PCSK5: variants seen among roughly 807,000 people sequenced by gnomAD.
PCSK5 encodes the protein prohormone convertase 5.
Under a neutral mutation model 233.2 loss-of-function variants are expected in PCSK5, and 129 were observed. That is an observed-to-expected ratio of 0.55 (90% CI 0.48 to 0.64). The LOEUF (loss-of-function observed/expected upper bound fraction) is 0.64, where lower values mean the gene tolerates loss of function less well. PCSK5 is among the 30% of genes least tolerant of loss of function. The probability of loss-of-function intolerance (pLI) is 0.00; values close to 1 mark genes in which losing one functional copy is unlikely to be tolerated. For synonymous variants in PCSK5, 825 were observed against 879.2 expected (o/e 0.94, Z 1.09); for missense variants, 2,076 against 2,430.1 (o/e 0.85, Z 3.06).
chr9:76,346,469 T>C (rs1434137964), intron 35 of PCSK5, among the ~76,000 whole-genome samples: 1 of 152,212 alleles, frequency 6.6e-6, no homozygotes, highest in Non-Finnish European at 1.5e-5. Flanking sequence ...CCTGAGTGTT[T>C]GTACTTCTTC....
intron 17 of PCSK5, among the ~76,000 whole-genome samples, chr9:76,187,999 T>A (rs2131235680): frequency 6.6e-6 from 1 of 152,286 alleles, no homozygotes; most frequent in South Asian, 2.1e-4. Context: ...GCAAAAGTAT[T>A]TTAAATCTTG....
At chr9:76,142,931 T>A (rs1360503407) in intron 10 of PCSK5, among the ~76,000 whole-genome samples, 1 of 152,196 alleles carries the variant, frequency 6.6e-6, no homozygotes, top group African/African-American at 2.4e-5. Flanking sequence ...AACCTCCTTA[T>A]TTTCTCTTTT....
rs1286020691 is a variant in PCSK5 at position 76,282,145 on chromosome 9, T to TTTTTTTTTTTTTTTTTTTC, written c.3143-10086_3143-10085insTTTTTTTTTTTTTTTTCTT. ...CTTTTTTTTTTTTTTTTTTTTTTTT[T>TTTTTTTTTTTTTTTTTTTC]TTCGCTCTGTTGCCCAGGCTGGAGC... is the stretch of plus-strand genomic sequence containing the variant. On this transcript the variant is annotated intron_variant, in intron 24 of 37. Transcript: ENST00000674117. 4.3e-4 allele frequency among the ~76,000 whole-genome samples: 43 copies of TTTTTTTTTTTTTTTTTTTC among 98,990 alleles called. 10 individuals are homozygous for TTTTTTTTTTTTTTTTTTTC. The highest frequency in any genetic ancestry group is 1.2e-3 in the East Asian group (3 of 2,480). 64.9% of individuals were successfully genotyped at this position (98,990 alleles called of 152,430 possible). A position where few individuals can be genotyped will look rare whatever the true frequency, so the allele number is the denominator to read the frequency against.
Position 76,181,575 on chromosome 9 carries a change from G to C in PCSK5, c.2181G>C (p.Gly727=). 6.2e-7 allele frequency: 1 copy of C among 1,611,746 alleles called. No individual in the cohort carries two copies. The highest frequency in any genetic ancestry group is 8.5e-7 in the Non-Finnish European group (1 of 1,178,420). ...GCTGTGTTACTCACTGCCCTGATGG[G>C]TCATATCAGGATACCAGTAAGCTCA... ...TNSCVTHCPD[G]SYQDTKKNLC... is the part of the protein sequence containing the mutation. The change falls in exon 16 of 38, where the codon GGG becomes GGC. Residue 727 remains glycine, a synonymous_variant. Coordinates refer to ENST00000674117, the MANE Select transcript of PCSK5 (RefSeq NM_001372043.1).
chr9:76,001,838 C>T (rs1268159178), intron 3 of PCSK5, among the ~76,000 whole-genome samples: 5 of 152,042 alleles, frequency 3.3e-5, no homozygotes, highest in African/African-American at 1.2e-4. Flanking sequence ...TAAAGAGATC[C>T]ATAATAATCA....
At chr9:76,008,166 T>G (rs1827564577) in intron 3 of PCSK5, among the ~76,000 whole-genome samples, 1 of 152,178 alleles carries the variant, frequency 6.6e-6, no homozygotes, top group African/African-American at 2.4e-5. Context: ...ACTTTTCTGC[T>G]GTCTCTATCT....
intron 1 of PCSK5, among the ~76,000 whole-genome samples, chr9:75,925,170 T>C (rs1460098168): frequency 6.6e-6 from 1 of 152,208 alleles, no homozygotes; most frequent in Non-Finnish European, 1.5e-5. Context: ...CTGAGAAATA[T>C]AGACAGACTT....
chr9:75,999,884 A>G (rs1587479930), intron 3 of PCSK5, among the ~76,000 whole-genome samples: 1 of 152,350 alleles, frequency 6.6e-6, no homozygotes, highest in African/African-American at 2.4e-5. Context: ...TCATGGCTAA[A>G]ACACCAAAAG....
intron 20 of PCSK5, among the ~76,000 whole-genome samples, chr9:76,213,337 G>A (rs957613757): frequency 1.3e-5 from 2 of 152,054 alleles, no homozygotes; most frequent in African/African-American, 4.8e-5. Flanking sequence ...CTTCCTTTTC[G>A]GTATTCATTC....
At position 75,932,501 on chromosome 9, in the gene PCSK5, C is replaced by A; in HGVS notation, c.297+18C>A. The A allele has an allele frequency of 2.8e-6, 4 of 1,434,936 alleles. No homozygotes were observed. The highest frequency in any genetic ancestry group is 3.9e-6 in the Non-Finnish European group (4 of 1,016,652). 88.9% of individuals were successfully genotyped at this position (1,434,936 alleles called of 1,614,324 possible). On this transcript the variant is annotated intron_variant, in intron 2 of 37. Coordinates refer to ENST00000674117, the MANE Select transcript of PCSK5 (RefSeq NM_001372043.1). ...AACCAAAGGTAAGAAGAACCAGTTG[C>A]GTGGGGACCAAGAGGCAAAGCTTCT...
chr9:76,085,311 C>A (rs1831020587), intron 7 of PCSK5, among the ~76,000 whole-genome samples: 1 of 152,204 alleles, frequency 6.6e-6, no homozygotes, highest in Non-Finnish European at 1.5e-5. Flanking sequence ...TCCTGTTCAT[C>A]CTTGGATGAG....
intron 24 of PCSK5, among the ~76,000 whole-genome samples, chr9:76,247,791 CT>C (rs35561448): frequency 1.8e-4 from 27 of 148,416 alleles, no homozygotes; most frequent in Admixed American, 2.7e-4. Context: ...ATTTTTTAAT[CT>C]TTTTTTTTTT....
chr9:75,976,702 T>G (rs1003032513), intron 2 of PCSK5, among the ~76,000 whole-genome samples: 1 of 151,810 alleles, frequency 6.6e-6, no homozygotes, highest in Admixed American at 6.6e-5. Flanking sequence ...GTTTAAAATA[T>G]TAAATACTTT....
chr9:76,103,456 G>T (rs1831845958), intron 8 of PCSK5, among the ~76,000 whole-genome samples: 1 of 152,072 alleles, frequency 6.6e-6, no homozygotes, highest in Admixed American at 6.5e-5. Context: ...TGTCACTTAT[G>T]GCCAAAGTCA....
chr9:76,056,795 G>C (rs1316836165), intron 5 of PCSK5, among the ~76,000 whole-genome samples: 1 of 152,110 alleles, frequency 6.6e-6, no homozygotes, highest in Non-Finnish European at 1.5e-5. Context: ...GATGCAATAA[G>C]AGGCATTTTT....
In PCSK5 at chr9:76,097,382, C is replaced by G. The variant is rs542634108; in HGVS notation, c.1107+1280C>G. Among the ~76,000 whole-genome samples the G allele has an allele frequency of 2.7e-5, 4 of 150,864 alleles. No homozygotes were observed. The East Asian group carries it at 7.8e-4, about 30-fold the overall frequency. On this transcript the variant is annotated intron_variant, in intron 8 of 37. Transcript: ENST00000674117. Reference sequence around the variant, plus strand: ...TCACGCCATTCTCCTGCCTCAGCCTCCCGAGTAGCTGGGACTACAGGCGCC... The same window carrying G: ...TCACGCCATTCTCCTGCCTCAGCCTGCCGAGTAGCTGGGACTACAGGCGCC...
At chr9:76,216,017 C>T (rs950942013) in intron 20 of PCSK5, among the ~76,000 whole-genome samples, 6 of 152,106 alleles carry the variant, frequency 3.9e-5, no homozygotes, top group Non-Finnish European at 7.4e-5. Flanking sequence ...GCACTGCAAT[C>T]GGCTCTTCTA....
chr9:76,063,331 T>C (rs1453694045), intron 5 of PCSK5, among the ~76,000 whole-genome samples: 6 of 136,292 alleles, frequency 4.4e-5, no homozygotes, highest in East Asian at 2.0e-4. Context: ...TTTTTTTTTT[T>C]TTTTTTTTTT....
At chr9:76,030,865 TA>T (rs1828625824) in intron 5 of PCSK5, among the ~76,000 whole-genome samples, 1 of 152,236 alleles carries the variant, frequency 6.6e-6, no homozygotes, top group Non-Finnish European at 1.5e-5. Context: ...TGGGGTATTC[TA>T]GGGTGTCCTG....
Sources: allele counts gnomAD v4.1 joint callset (sites outside exome capture counted in the v4.1 genomes callset), GRCh38; gene constraint gnomAD v4.1.1; transcripts MANE v1.5; gene names NCBI Gene and HGNC (gene_info 2026-07-23, HGNC 2026-07-21).